MIGA1: variants seen among roughly 807,000 people sequenced by gnomAD.
The protein encoded by MIGA1 is family with sequence similarity 73, member A.
Under a neutral mutation model 82.0 loss-of-function variants are expected in MIGA1, and 58 were observed. The ratio of observed to expected loss-of-function variants is 0.71; its 90% CI spans 0.57 to 0.88. MIGA1 has a LOEUF of 0.88. Ranked by LOEUF, MIGA1 falls within the 40% of genes least tolerant of loss-of-function variation. The pLI is 0.00. For missense variants in MIGA1, 751 were observed against 749.1 expected (o/e 1.00, Z -0.03); for synonymous variants, 249 against 253.6 (o/e 0.98, Z 0.17).
chr1:77,843,157 TC>T, intron 7 of MIGA1, 149 bp from the exon 8 acceptor site: 1 of 515,710 alleles, frequency 1.9e-6, no homozygotes. Context: ...AGTTTCAGAT[TC>T]AGTTAAACAA....
chr1:77,815,660 C>T (rs967100809), intron 7 of MIGA1, among the ~76,000 whole-genome samples: 10 of 152,196 alleles, frequency 6.6e-5, no homozygotes, highest in African/African-American at 1.9e-4. Context: ...TCAGTACATA[C>T]ATCGTTATGG....
rs200666815 is a variant in MIGA1 at position 77,866,336 on chromosome 1, A to T, written c.1510-2A>T. ...ATCTTTCTTTTCTCTGCATGTATTT[A>T]GGCTGTGGCTTCAAGTTGTTGGTCG... On this transcript the variant is annotated splice_acceptor_variant, in intron 13 of 15. Coordinates refer to ENST00000370791, the MANE Select transcript of MIGA1 (RefSeq NM_198549.4). LOFTEE classifies it high-confidence loss of function. 2 of 1,613,770 alleles carry T rather than the reference A, an allele frequency of 1.2e-6. No homozygotes were observed. The highest frequency in any genetic ancestry group is 2.2e-5 in the East Asian group (1 of 44,890).
chr1:77,823,359 C>T (rs962393976), intron 7 of MIGA1, among the ~76,000 whole-genome samples: 8 of 151,966 alleles, frequency 5.3e-5, no homozygotes, highest in Non-Finnish European at 7.4e-5. Context: ...GTAACCATTG[C>T]GCAGCTCTAT....
rs1055809114 is a variant in MIGA1, at chr1:77,873,176, G to A, written c.1680+56G>A. On this transcript the variant is annotated intron_variant, in intron 15 of 15. Coordinates refer to ENST00000370791, the MANE Select transcript of MIGA1 (RefSeq NM_198549.4). ...TTTTTCTAAATCAAAAAGGAGATAC[G>A]GTTTTATTCTGTTTTGTTTTGCTTT... is the stretch of plus-strand genomic sequence containing the variant. 4.3e-5 allele frequency: 65 copies of A among 1,509,902 alleles called. No individual in the cohort carries two copies. The African/African-American group carries it at 7.3e-4, about 17-fold the overall frequency. The allele number at this position is 1,509,902 out of a possible 1,614,324, so 93.5% of individuals were successfully genotyped here. A position where few individuals can be genotyped will look rare whatever the true frequency, so the allele number is the denominator to read the frequency against.
chr1:77,841,772 C>CT (rs1557922629), intron 7 of MIGA1, among the ~76,000 whole-genome samples: 18 of 148,980 alleles, frequency 1.2e-4, no homozygotes, highest in Admixed American at 2.0e-4. Flanking sequence ...CCTTTCTCTC[C>CT]CTCTCTCTCT....
chr1:77,794,185 A>C (rs993035493), intron 2 of MIGA1, among the ~76,000 whole-genome samples: 1 of 152,208 alleles, frequency 6.6e-6, no homozygotes, highest in Non-Finnish European at 1.5e-5. Context: ...CTTAATATTA[A>C]TGTCTGTTAT....
At chr1:77,827,187 C>T (rs950136250) in intron 7 of MIGA1, among the ~76,000 whole-genome samples, 1 of 152,144 alleles carries the variant, frequency 6.6e-6, no homozygotes, top group African/African-American at 2.4e-5. Context: ...CGCTCACTGC[C>T]TCCTGAGTTC....
In MIGA1 at chr1:77,828,055, C is replaced by T. The variant is rs763536856; in HGVS notation, c.895+12824C>T. 6.6e-5 allele frequency among the ~76,000 whole-genome samples: 10 copies of T among 150,736 alleles called. No individual in the cohort carries two copies. In the South Asian group the frequency reaches 8.5e-4, roughly 13 times the overall value. On this transcript the variant is annotated intron_variant, in intron 7 of 15. Transcript: ENST00000370791. ...CCTGGGCAACAGAGTGAGACTTTGTCTTATAAATAAATAAATAAATAAATA... is the reference window on the plus strand; with the variant it reads ...CCTGGGCAACAGAGTGAGACTTTGTTTTATAAATAAATAAATAAATAAATA...
intron 2 of MIGA1, among the ~76,000 whole-genome samples, chr1:77,783,588 C>G (rs1682015964): frequency 6.6e-6 from 1 of 152,094 alleles, no homozygotes; most frequent in South Asian, 2.1e-4. Flanking sequence ...AGCAAACTTA[C>G]ATAGTCCATT....
At chr1:77,851,509 G>A (rs1258563266) in intron 8 of MIGA1, among the ~76,000 whole-genome samples, 2 of 152,010 alleles carry the variant, frequency 1.3e-5, no homozygotes, top group Admixed American at 6.6e-5. Context: ...TGGGAATTTT[G>A]TTGAGAAATT....
At chr1:77,821,193 T>C (rs1451228832) in intron 7 of MIGA1, among the ~76,000 whole-genome samples, 1 of 152,124 alleles carries the variant, frequency 6.6e-6, no homozygotes. Context: ...AAGGTTTACA[T>C]TGGCTTTTGG....
chr1:77,858,071 C>T (rs774954336), intron 8 of MIGA1, among the ~76,000 whole-genome samples: 5 of 152,058 alleles, frequency 3.3e-5, no homozygotes, highest in African/African-American at 1.2e-4. Context: ...GTATTGCTGG[C>T]CAGACGCGGT....
intron 2 of MIGA1, among the ~76,000 whole-genome samples, chr1:77,783,756 T>G (rs1366188524): frequency 6.6e-6 from 1 of 152,244 alleles, no homozygotes; most frequent in Admixed American, 6.5e-5. Context: ...TTCACATTGT[T>G]GTACAAACAA....
At chr1:77,795,571 A>G (rs1235750097) in intron 2 of MIGA1, among the ~76,000 whole-genome samples, 3 of 148,232 alleles carry the variant, frequency 2.0e-5, no homozygotes, top group Admixed American at 1.3e-4. Flanking sequence ...GGCTCAAGTG[A>G]TCTCTCCACC....
intron 7 of MIGA1, among the ~76,000 whole-genome samples, chr1:77,829,246 C>T (rs1439244433): frequency 6.6e-6 from 1 of 151,938 alleles, no homozygotes; most frequent in Non-Finnish European, 1.5e-5. Flanking sequence ...GTAGTAAGAC[C>T]CTGTCTCTAC....
Position 77,839,203 on chromosome 1 carries a change from G to A in MIGA1, c.896-4104G>A, listed in dbSNP as rs762347752. Reference sequence around the variant, plus strand: ...TGGTGTGTGAGAGTTTCCACTGACCGTACATCCTCGACCAAAATAATAATA... The same window carrying A: ...TGGTGTGTGAGAGTTTCCACTGACCATACATCCTCGACCAAAATAATAATA... On this transcript the variant is annotated intron_variant, in intron 7 of 15. Transcript: ENST00000370791. Among the ~76,000 whole-genome samples, 27 of 151,694 alleles carry A rather than the reference G, an allele frequency of 1.8e-4. No homozygotes were observed. The East Asian group carries it at 2.1e-3, about 12-fold the overall frequency.
At chr1:77,836,462 G>A (rs1194943299) in intron 7 of MIGA1, among the ~76,000 whole-genome samples, 2 of 152,164 alleles carry the variant, frequency 1.3e-5, no homozygotes, top group African/African-American at 2.4e-5. Context: ...GTAGCATAGG[G>A]CAAGGGAGCA....
intron 2 of MIGA1, among the ~76,000 whole-genome samples, chr1:77,800,122 C>T (rs1021389048): frequency 3.3e-5 from 5 of 151,962 alleles, no homozygotes; most frequent in African/African-American, 1.2e-4. Flanking sequence ...TGGTTCATGC[C>T]CTCCACAGAA....
intron 2 of MIGA1, among the ~76,000 whole-genome samples, chr1:77,784,721 G>T (rs1682070539): frequency 6.6e-6 from 1 of 152,146 alleles, no homozygotes; most frequent in Admixed American, 6.5e-5. Context: ...TTTTCATGCT[G>T]CTGATAAAGA....
Sources: allele counts gnomAD v4.1 joint callset (sites outside exome capture counted in the v4.1 genomes callset), GRCh38; gene constraint gnomAD v4.1.1; transcripts MANE v1.5; gene names NCBI Gene and HGNC (gene_info 2026-07-23, HGNC 2026-07-21).